The following DLGAP2 variants were observed in gnomAD, a reference collection of about 807,000 sequenced individuals.
DLGAP2 encodes the protein disks large-associated protein 2.
In DLGAP2, 26 loss-of-function variants were observed where a neutral mutation model predicts 100.3. The observed-to-expected ratio is 0.26, with a 90% confidence interval of 0.19 to 0.36. DLGAP2 has a LOEUF of 0.36. Among genes scored for constraint, DLGAP2 ranks in the 10% least tolerant of loss-of-function variants. The pLI, the probability that DLGAP2 is intolerant of heterozygous loss-of-function variation, is 1.00. For missense variants in DLGAP2, 1,858 were observed against 1,453.2 expected (o/e 1.28, Z -4.53); for synonymous variants, 886 against 630.1 (o/e 1.41, Z -6.08).
intron 2 of DLGAP2, among the ~76,000 whole-genome samples, chr8:931,340 G>A (rs751188889): frequency 6.6e-6 from 1 of 152,240 alleles, no homozygotes; most frequent in Non-Finnish European, 1.5e-5. Flanking sequence ...GGCAATGGCA[G>A]GGGCGTTTCA....
chr8:1,690,187 C>T (rs1392202769), intron 12 of DLGAP2, among the ~76,000 whole-genome samples: 1 of 151,764 alleles, frequency 6.6e-6, no homozygotes, highest in East Asian at 2.0e-4. Flanking sequence ...GAAACGCTGT[C>T]TCTACTAAAA....
At chr8:807,686 C>T (rs1413583901) in intron 1 of DLGAP2, among the ~76,000 whole-genome samples, 1 of 151,956 alleles carries the variant, frequency 6.6e-6, no homozygotes, top group Non-Finnish European at 1.5e-5. Flanking sequence ...TTGATAGAAA[C>T]CCAAGGAATG....
At chr8:784,679 A>T (rs778004392) in intron 1 of DLGAP2, among the ~76,000 whole-genome samples, 7 of 152,158 alleles carry the variant, frequency 4.6e-5, no homozygotes, top group Non-Finnish European at 1.0e-4. Flanking sequence ...TAAGATGTGG[A>T]CCTGAACGTG....
chr8:1,564,305 C>T lies in DLGAP2; in HGVS notation c.1231-1378C>T, dbSNP rs570888928. 2.0e-5 allele frequency among the ~76,000 whole-genome samples: 3 copies of T among 152,262 alleles called. No homozygotes were observed. In the South Asian group the frequency reaches 6.2e-4, roughly 32 times the overall value. On this transcript the variant is annotated intron_variant, in intron 5 of 14. Coordinates refer to ENST00000637795, the MANE Select transcript of DLGAP2 (RefSeq NM_001346810.2). ...TGTTCCAGTTCCATGACTTTTTGCTCATGGCTATGTTGGGTTTCCAGTTTC... is the reference window on the plus strand; with the variant it reads ...TGTTCCAGTTCCATGACTTTTTGCTTATGGCTATGTTGGGTTTCCAGTTTC...
intron 3 of DLGAP2, among the ~76,000 whole-genome samples, chr8:1,459,272 A>AGACCCCAGGGGTCACCC (rs1798406209): frequency 7.4e-6 from 1 of 134,308 alleles, no homozygotes; most frequent in Non-Finnish European, 1.7e-5. Flanking sequence ...TTACATGCAT[A>AGACCCCAGGGGTCACCC]TACCTGAGGT....
chr8:1,571,418 G>C (rs199903077), intron 6 of DLGAP2, among the ~76,000 whole-genome samples: 1 of 143,368 alleles, frequency 7.0e-6, no homozygotes, highest in Non-Finnish European at 1.5e-5. Context: ...AGAGGAGAGA[G>C]GGTGAATTGT....
At chr8:1,353,768 A>G (rs939054243) in intron 3 of DLGAP2, among the ~76,000 whole-genome samples, 9 of 152,246 alleles carry the variant, frequency 5.9e-5, no homozygotes, top group African/African-American at 2.2e-4. Context: ...GAACCTTGTA[A>G]ACAAAATTAG....
intron 2 of DLGAP2, among the ~76,000 whole-genome samples, chr8:909,615 G>A (rs1798445515): frequency 6.6e-6 from 1 of 152,214 alleles, no homozygotes; most frequent in Admixed American, 6.5e-5. Context: ...CCTCAACGCA[G>A]AGGACATTAG....
chr8:1,226,985 T>TG (rs1355213834), intron 2 of DLGAP2, among the ~76,000 whole-genome samples: 1 of 151,220 alleles, frequency 6.6e-6, no homozygotes, highest in East Asian at 2.0e-4. Context: ...AATTACCCTA[T>TG]GACCCTGCAA....
chr8:985,740 T>C (rs547508339), intron 2 of DLGAP2, among the ~76,000 whole-genome samples: 1 of 152,346 alleles, frequency 6.6e-6, no homozygotes, highest in East Asian at 1.9e-4. Flanking sequence ...TGAGAAAGAT[T>C]ATTTCAAGGT....
At chr8:1,156,585 C>G (rs1254737107) in intron 2 of DLGAP2, among the ~76,000 whole-genome samples, 1 of 151,916 alleles carries the variant, frequency 6.6e-6, no homozygotes, top group East Asian at 1.9e-4. Flanking sequence ...GCTCAGCCCC[C>G]CAGCCCAGCG....
chr8:1,539,082 C>T (rs1342217063), intron 4 of DLGAP2, among the ~76,000 whole-genome samples: 1 of 152,068 alleles, frequency 6.6e-6, no homozygotes, highest in Admixed American at 6.6e-5. Context: ...GATGGGGTTT[C>T]ACCGTGTTGG....
At chr8:965,960 C>G (rs768032465) in intron 2 of DLGAP2, among the ~76,000 whole-genome samples, 10 of 152,222 alleles carry the variant, frequency 6.6e-5, no homozygotes, top group Non-Finnish European at 1.2e-4. Context: ...CTGCAAGCAG[C>G]CAGGTACCCT....
At chr8:1,131,032 T>C (rs1267738445) in intron 2 of DLGAP2, among the ~76,000 whole-genome samples, 2 of 152,220 alleles carry the variant, frequency 1.3e-5, no homozygotes, top group Non-Finnish European at 2.9e-5. Context: ...CAGTTTTCTT[T>C]AGAAGGATGC....
chr8:1,043,202 TGCGG>T (rs1802415471), intron 2 of DLGAP2, among the ~76,000 whole-genome samples: 1 of 76,946 alleles, frequency 1.3e-5, no homozygotes. Flanking sequence ...TGGTGGTGGA[TGCGG>T]GTGGTGGGTG....
chr8:835,744 A>T (rs578049342), intron 1 of DLGAP2, among the ~76,000 whole-genome samples: 25 of 152,286 alleles, frequency 1.6e-4, no homozygotes, highest in African/African-American at 5.5e-4. Context: ...CTTAGTTATT[A>T]AAGAGTATTT....
At chr8:1,375,161 C>G in intron 3 of DLGAP2, among the ~76,000 whole-genome samples, 1 of 114,340 alleles carries the variant, frequency 8.7e-6, no homozygotes, top group African/African-American at 4.1e-5. Flanking sequence ...GATCCCCCAC[C>G]TCCTACATTT....
chr8:1,664,588 A>G (rs1392181077), intron 8 of DLGAP2, among the ~76,000 whole-genome samples: 2 of 152,218 alleles, frequency 1.3e-5, no homozygotes, highest in Non-Finnish European at 2.9e-5. Context: ...TCGGTGCCCA[A>G]CGTGGAAGAA....
chr8:1,063,793 A>T (rs1261734051), intron 2 of DLGAP2, among the ~76,000 whole-genome samples: 1 of 152,170 alleles, frequency 6.6e-6, no homozygotes, highest in Non-Finnish European at 1.5e-5. Context: ...TATTTCATTC[A>T]TAATTTTGTT....
Sources: gnomAD v4.1 joint callset for allele counts (sites outside exome capture counted in the v4.1 genomes callset) on GRCh38, gnomAD v4.1.1 for gene constraint, MANE v1.5 for transcripts, NCBI Gene and HGNC (gene_info 2026-07-23, HGNC 2026-07-21) for gene names.